WDR64: variants seen among roughly 807,000 people sequenced by gnomAD.
WDR64 encodes the protein WD repeat domain 64, also known as WD repeat-containing protein 64.
In WDR64, 112 loss-of-function variants were observed where a neutral mutation model predicts 139.3. That is an observed-to-expected ratio of 0.80 (90% CI 0.69 to 0.94). The LOEUF (loss-of-function observed/expected upper bound fraction) is 0.94. Ranked by LOEUF, WDR64 falls within the 40% of genes least tolerant of loss-of-function variation. WDR64 has a pLI of 0.00. For synonymous variants in WDR64, 444 were observed against 437.7 expected (o/e 1.01, Z -0.18); for missense variants, 1,206 against 1,293.1 (o/e 0.93, Z 1.03).
intron 18 of WDR64, 28 bp from the exon 19 acceptor site, chr1:241,771,633 T>G: frequency 6.8e-7 from 1 of 1,464,774 alleles, no homozygotes; most frequent in Non-Finnish European, 9.1e-7. Context: ...GTCATGGAAG[T>G]CTTTTCTCTT....
intron 2 of WDR64, among the ~76,000 whole-genome samples, chr1:241,668,711 C>A (rs1666112704): frequency 6.6e-6 from 1 of 152,088 alleles, no homozygotes; most frequent in Non-Finnish European, 1.5e-5. Context: ...GAGGTCAAGA[C>A]CAGCATGGCC....
chr1:241,772,867 A>G lies in WDR64; in HGVS notation c.2366A>G (p.Glu789Gly), dbSNP rs1391402194. ...KKHPGIANLP[E>G]AQPPILVTAH... ...CACCCTGGAATTGCCAATTTACCAG[A>G]AGCCCAGCCACCTATCCTTGTCACT... The change falls in exon 20 of 28, where the codon GAA (glutamate) becomes GGA (glycine). Residue 789 changes from glutamate to glycine, a missense_variant. Glu to Gly is a moderately conservative substitution (Grantham distance 98). Coordinates refer to ENST00000437684, the MANE Select transcript of WDR64 (RefSeq NM_001367482.1). The G allele has an allele frequency of 3.9e-6, 6 of 1,552,076 alleles. No homozygotes were observed. The highest frequency in any genetic ancestry group is 2.0e-5 in the Admixed American group (1 of 51,002).
chr1:241,757,561 G>A, intron 15 of WDR64, 102 bp downstream of exon 15: 2 of 1,046,590 alleles, frequency 1.9e-6, no homozygotes, highest in South Asian at 2.1e-5. Context: ...GCTTCTATGT[G>A]TTATCACTCA....
In WDR64 at chr1:241,723,348, T is replaced by C. The variant is rs142030663; in HGVS notation, c.1106T>C (p.Val369Ala). The C allele has an allele frequency of 4.3e-6, 7 of 1,613,886 alleles. No individual in the cohort carries two copies. The African/African-American group carries it at 6.7e-5, about 15-fold the overall frequency. ...CACCCCAATATCAGCACCAAGCCAG[T>C]AGGGAAACTTGTAGGACACATGTTC... ...LWHPNISTKP[V>A]GKLVGHMFSI... The change falls in exon 10 of 28, where the codon GTA becomes GCA. Residue 369 changes from valine to alanine, a missense_variant. Coordinates refer to ENST00000437684, the MANE Select transcript of WDR64 (RefSeq NM_001367482.1).
intron 3 of WDR64, among the ~76,000 whole-genome samples, chr1:241,672,442 T>C (rs1328269043): frequency 6.6e-6 from 1 of 152,226 alleles, no homozygotes; most frequent in Admixed American, 6.5e-5. Context: ...AGTATTTTTC[T>C]AGATGGCAGT....
At chr1:241,670,698 T>G (rs759721408) in intron 2 of WDR64, among the ~76,000 whole-genome samples, 2 of 152,154 alleles carry the variant, frequency 1.3e-5, no homozygotes, top group African/African-American at 2.4e-5. Flanking sequence ...CCGCCTCCTC[T>G]CAGATCAGCA....
chr1:241,675,367 C>T (rs1666511323), intron 4 of WDR64, among the ~76,000 whole-genome samples: 1 of 150,542 alleles, frequency 6.6e-6, no homozygotes, highest in South Asian at 2.1e-4. Context: ...GTATCAGGTA[C>T]AGCGGAAACC....
At chr1:241,776,823 C>T (rs1316559566) in intron 21 of WDR64, among the ~76,000 whole-genome samples, 1 of 152,166 alleles carries the variant, frequency 6.6e-6, no homozygotes, top group Non-Finnish European at 1.5e-5. Context: ...AGGGTTAGTC[C>T]TCTCTTTGCC....
At chr1:241,767,663 T>C (rs988830832) in intron 16 of WDR64, among the ~76,000 whole-genome samples, 3 of 152,182 alleles carry the variant, frequency 2.0e-5, no homozygotes, top group Non-Finnish European at 4.4e-5. Context: ...CCTCTCTCTT[T>C]ACACTTCTTA....
At chr1:241,792,920 G>A (rs979010685) in intron 25 of WDR64, among the ~76,000 whole-genome samples, 1 of 152,196 alleles carries the variant, frequency 6.6e-6, no homozygotes, top group Non-Finnish European at 1.5e-5. Context: ...TAGGAGACAG[G>A]TACGAGAATG....
Position 241,696,113 on chromosome 1 carries a change from C to CAAAAAAA in WDR64, c.974+8540_974+8546dup, listed in dbSNP as rs541301982. The stretch of plus-strand genomic sequence containing the variant: ...TGTGGAATGGAATGAGACCCAGTAT[C>CAAAAAAA]AAAAAAAAAAAAAAAAAAAAAAAAA... On this transcript the variant is annotated intron_variant, in intron 8 of 27. Coordinates refer to ENST00000437684, the MANE Select transcript of WDR64 (RefSeq NM_001367482.1). Among the ~76,000 whole-genome samples, 30 of 22,324 alleles carry CAAAAAAA rather than the reference C, an allele frequency of 1.3e-3. 6 individuals carry two copies. The highest frequency in any genetic ancestry group is 2.5e-3 in the African/African-American group (18 of 7,172). 14.6% of individuals were successfully genotyped at this position (22,324 alleles called of 152,430 possible).
intron 10 of WDR64, among the ~76,000 whole-genome samples, chr1:241,725,404 C>T (rs879312691): frequency 6.6e-6 from 1 of 151,988 alleles, no homozygotes; most frequent in Non-Finnish European, 1.5e-5. Context: ...TTTCCCTCCA[C>T]GTCCCCCAGC....
chr1:241,771,559 T>A, intron 18 of WDR64, 102 bp from the exon 19 acceptor site: 4 of 824,772 alleles, frequency 4.8e-6, no homozygotes, highest in Non-Finnish European at 6.9e-6. Flanking sequence ...AAAGTAATGC[T>A]TAGAAATGAA....
chr1:241,674,826 C>A lies in WDR64; in HGVS notation c.483+79C>A, dbSNP rs939014653. On this transcript the variant is annotated intron_variant, in intron 4 of 27. Coordinates refer to ENST00000437684, the MANE Select transcript of WDR64 (RefSeq NM_001367482.1). ...ATTTAAAAGCTTGGATTTCTCCCCCCCTCCCTCCCTCCCTTCCTTCCTTCT... is the reference window on the plus strand; with the variant it reads ...ATTTAAAAGCTTGGATTTCTCCCCCACTCCCTCCCTCCCTTCCTTCCTTCT... 9.0e-6 allele frequency: 6 copies of A among 668,754 alleles called. No homozygotes were observed. In the East Asian group the frequency reaches 9.7e-5, roughly 11 times the overall value. 41.4% of individuals were successfully genotyped at this position (668,754 alleles called of 1,614,324 possible). A position where few individuals can be genotyped will look rare whatever the true frequency, so the allele number is the denominator to read the frequency against.
chr1:241,771,937 C>CATATATATAT (rs369287433), intron 19 of WDR64, among the ~76,000 whole-genome samples: 1 of 56,528 alleles, frequency 1.8e-5, no homozygotes, highest in African/African-American at 5.9e-5. Flanking sequence ...CATATACATA[C>CATATATATAT]ATACATACAT....
chr1:241,684,774 T>C (rs1666944722), intron 7 of WDR64, among the ~76,000 whole-genome samples: 1 of 152,180 alleles, frequency 6.6e-6, no homozygotes, highest in Non-Finnish European at 1.5e-5. Flanking sequence ...TTCTTTCCTG[T>C]TTTGACAGAG....
intron 8 of WDR64, among the ~76,000 whole-genome samples, chr1:241,692,025 A>AAT (rs1667319348): frequency 2.0e-5 from 3 of 151,782 alleles, no homozygotes; most frequent in African/African-American, 7.3e-5. Context: ...AAAAATAAAA[A>AAT]AATAAAAAAA....
rs1659364236 is a variant in WDR64, at chr1:241,796,361, A to G, written c.3183A>G (p.Gln1061=). The change falls in exon 27 of 28, where the codon CAA becomes CAG. Residue 1061 remains glutamine (Q), a synonymous_variant. Coordinates refer to ENST00000437684, the MANE Select transcript of WDR64 (RefSeq NM_001367482.1). The stretch of plus-strand genomic sequence containing the variant: ...GAAAGAAGAAGGGAGGTCATGTTCA[A>G]CGTGAAAAAGTAAGTTAGTACTAAT... The part of the protein sequence containing the change: ...ITGKKKGGHV[Q]REKAPRRRSL... The G allele has an allele frequency of 6.2e-7, 1 of 1,611,550 alleles. No individual in the cohort carries two copies. The highest frequency in any genetic ancestry group is 8.5e-7 in the Non-Finnish European group (1 of 1,178,226).
At chr1:241,726,974 C>A (rs938360186) in intron 10 of WDR64, among the ~76,000 whole-genome samples, 8 of 151,978 alleles carry the variant, frequency 5.3e-5, no homozygotes, top group African/African-American at 1.7e-4. Flanking sequence ...GCAACCTCTG[C>A]CTCCCAGGTT....
Sources: gnomAD v4.1 joint callset for allele counts (sites outside exome capture counted in the v4.1 genomes callset) on GRCh38, gnomAD v4.1.1 for gene constraint, MANE v1.5 for transcripts, NCBI Gene and HGNC (gene_info 2026-07-23, HGNC 2026-07-21) for gene names.